Variants in THUMPD2 observed in about 807,000 individuals in gnomAD.
The protein encoded by THUMPD2 is THUMP domain 2 tRNA and snRNA guanosine methyltransferase.
THUMPD2 carries 56 observed loss-of-function variants against 49.4 expected under a neutral mutation model. The ratio of observed to expected loss-of-function variants is 1.13; its 90% CI spans 0.91 to 1.41. The LOEUF (loss-of-function observed/expected upper bound fraction) is 1.41, where lower values mean the gene tolerates loss of function less well. THUMPD2 is among the 40% of genes most tolerant of loss of function. THUMPD2 has a pLI of 0.00. For synonymous variants in THUMPD2, 237 were observed against 205.2 expected, an observed-to-expected ratio of 1.15 and a Z score of -1.32; for missense variants, 709 against 594.5, an observed-to-expected ratio of 1.19 and a Z score of -2.00.
intron 9 of THUMPD2, among the ~76,000 whole-genome samples, chr2:39,740,288 T>G (rs913014162): frequency 2.6e-5 from 4 of 152,232 alleles, no homozygotes; most frequent in Admixed American, 6.5e-5. Context: ...TAATGGTACA[T>G]ACATATAATG....
intron 6 of THUMPD2, among the ~76,000 whole-genome samples, chr2:39,760,755 T>G (rs1026443423): frequency 9.2e-5 from 14 of 152,020 alleles, no homozygotes; most frequent in African/African-American, 3.1e-4. Context: ...AAAGAGGACT[T>G]AAGTAACAAA....
rs551819161 is a variant in THUMPD2, at chr2:39,758,152, T to C, written c.892-2192A>G. Among the ~76,000 whole-genome samples the C allele has an allele frequency of 3.9e-5, 6 of 152,316 alleles. No homozygotes were observed. In the South Asian group the frequency reaches 1.2e-3, roughly 32 times the overall value. ...AAACATGTTTATATTAAAACAAAGG[T>C]AACATTTCAAATGTGTAGGTGATTA... On this transcript the variant is annotated intron_variant, in intron 6 of 9. Transcript: ENST00000505747.
intron 5 of THUMPD2, among the ~76,000 whole-genome samples, 156 bp downstream of exon 5, chr2:39,765,901 G>A (rs1309096669): frequency 2.0e-5 from 3 of 152,150 alleles, no homozygotes; most frequent in East Asian, 3.8e-4. Flanking sequence ...ACTAAGTTCC[G>A]TGAAAATACT....
chr2:39,737,109 C>G (rs986836001), intron 9 of THUMPD2, 50 bp from the exon 10 acceptor site: 8 of 1,469,194 alleles, frequency 5.4e-6, no homozygotes, highest in Non-Finnish European at 6.4e-6. Flanking sequence ...TTCTAGACAA[C>G]AAACAATCCC....
intron 6 of THUMPD2, among the ~76,000 whole-genome samples, chr2:39,759,254 G>A (rs1437340787): frequency 6.6e-6 from 1 of 151,758 alleles, no homozygotes; most frequent in Non-Finnish European, 1.5e-5. Flanking sequence ...TTAGGCCGGA[G>A]AAGTAAAAAT....
chr2:39,746,757 A>G (rs533602745), intron 8 of THUMPD2, among the ~76,000 whole-genome samples: 1 of 152,230 alleles, frequency 6.6e-6, no homozygotes, highest in African/African-American at 2.4e-5. Context: ...GCCCCAAGAT[A>G]CTTTCTTCCA....
chr2:39,779,096 G>A lies in THUMPD2; in HGVS notation c.126+18C>T, dbSNP rs1036697936. ...CAGGGCCGCCCACCTCCCCAGGCGC[G>A]CAGCGAGGCCAACTCACCTGCGTGG... On this transcript the variant is annotated intron_variant, in intron 1 of 9. Transcript: ENST00000505747. The A allele has an allele frequency of 6.0e-6, 9 of 1,498,070 alleles. No individual in the cohort carries two copies. The Admixed American group carries it at 1.3e-4, about 22-fold the overall frequency. The allele number at this position is 1,498,070 out of a possible 1,614,324, so 92.8% of individuals were successfully genotyped here.
At chr2:39,768,671 T>C in intron 3 of THUMPD2, 170 bp from the exon 4 acceptor site, 1 of 695,708 alleles carries the variant, frequency 1.4e-6, no homozygotes, top group Non-Finnish European at 2.4e-6. Context: ...TTCAAGGCAG[T>C]AAGGCTGTAT....
chr2:39,755,135 A>T (rs1675931927), intron 8 of THUMPD2, among the ~76,000 whole-genome samples, 160 bp downstream of exon 8: 1 of 145,994 alleles, frequency 6.8e-6, no homozygotes, highest in Non-Finnish European at 1.5e-5. Context: ...CACTTTGAAA[A>T]TAAAAAGGTT....
intron 8 of THUMPD2, among the ~76,000 whole-genome samples, chr2:39,745,387 A>T (rs1674437974): frequency 6.6e-6 from 1 of 152,206 alleles, no homozygotes; most frequent in South Asian, 2.1e-4. Context: ...TTAATAGAAG[A>T]AGAGTAGATT....
At chr2:39,737,270 A>G (rs1469925005) in intron 9 of THUMPD2, among the ~76,000 whole-genome samples, 1 of 103,646 alleles carries the variant, frequency 9.6e-6, no homozygotes, top group Admixed American at 1.1e-4. Flanking sequence ...TTAATTATCT[A>G]TTTTTACTCA....
Position 39,743,070 on chromosome 2 carries a change from G to A in THUMPD2, c.1187+1300C>T, listed in dbSNP as rs1223934965. On this transcript the variant is annotated intron_variant, in intron 9 of 9. Coordinates refer to ENST00000505747, the MANE Select transcript of THUMPD2 (RefSeq NM_025264.5). ...CTCAGCTCCCAAAATGCAGTGAGAT[G>A]ACTTTTAGTTGAGCTTAGACTAAGT... Among the ~76,000 whole-genome samples, 4 of 152,188 alleles carry A rather than the reference G, an allele frequency of 2.6e-5. No individual in the cohort carries two copies. In the East Asian group the frequency reaches 7.7e-4, roughly 29 times the overall value.
chr2:39,737,426 C>A (rs1012190164), intron 9 of THUMPD2, among the ~76,000 whole-genome samples: 1 of 151,984 alleles, frequency 6.6e-6, no homozygotes, highest in Non-Finnish European at 1.5e-5. Flanking sequence ...AGTTAGGACA[C>A]GAACAAAGAA....
At chr2:39,748,122 T>G (rs1190674434) in intron 8 of THUMPD2, among the ~76,000 whole-genome samples, 1 of 152,222 alleles carries the variant, frequency 6.6e-6, no homozygotes, top group African/African-American at 2.4e-5. Flanking sequence ...CACCAAAAAA[T>G]TCAAAAGCTA....
At chr2:39,744,688 T>C (rs1674338856) in intron 8 of THUMPD2, 2 of 341,322 alleles carry the variant, frequency 5.9e-6, no homozygotes, top group African/African-American at 2.1e-5. Flanking sequence ...TCGTTGAAAA[T>C]TGGTTTTTCA....
intron 8 of THUMPD2, among the ~76,000 whole-genome samples, chr2:39,754,504 G>C (rs1188296068): frequency 6.6e-6 from 1 of 152,010 alleles, no homozygotes; most frequent in African/African-American, 2.4e-5. Context: ...CTGATTATAG[G>C]TCTGATACTG....
intron 5 of THUMPD2, among the ~76,000 whole-genome samples, chr2:39,763,711 C>G (rs1406502671): frequency 2.0e-5 from 3 of 152,046 alleles, no homozygotes; most frequent in African/African-American, 7.2e-5. Flanking sequence ...TTTGAAATCA[C>G]AAATCTGATC....
rs1262343187 is a variant in THUMPD2 at position 39,769,741 on chromosome 2, C to T, written c.641G>A (p.Ser214Asn). 6.3e-7 allele frequency: 1 copy of T among 1,581,262 alleles called. No individual in the cohort carries two copies. The highest frequency in any genetic ancestry group is 8.6e-7 in the Non-Finnish European group (1 of 1,169,200). ...AGTGAAGGCCTTTCCAATAGTTCCA[C>T]TGCAGCGACAAGATACTCTGAAAGT... ...DLTFRVSCRCSGTIGKAFTAQ... is the reference protein window; with the variant it reads ...DLTFRVSCRCNGTIGKAFTAQ... The change falls in exon 3 of 10, where the codon AGT becomes AAT. Residue 214 changes from serine (S) to asparagine (N), a missense_variant. Ser to Asn is a conservative substitution (Grantham distance 46). Transcript: ENST00000505747.
At chr2:39,753,531 C>T (rs1036654901) in intron 8 of THUMPD2, among the ~76,000 whole-genome samples, 2 of 152,120 alleles carry the variant, frequency 1.3e-5, no homozygotes, top group African/African-American at 4.8e-5. Flanking sequence ...CCCTAAACTC[C>T]AGATTTGTAT....
Sources: allele counts gnomAD v4.1 joint callset (sites outside exome capture counted in the v4.1 genomes callset), GRCh38; gene constraint gnomAD v4.1.1; transcripts MANE v1.5; gene names NCBI Gene and HGNC (gene_info 2026-07-23, HGNC 2026-07-21).